FAM222A: variants seen among roughly 807,000 people sequenced by gnomAD.
The protein encoded by FAM222A is protein FAM222A.
In FAM222A, 7 loss-of-function variants were observed where a neutral mutation model predicts 25.8. That is an observed-to-expected ratio of 0.27 (90% CI 0.15 to 0.51). FAM222A has a LOEUF of 0.51. FAM222A is among the 20% of genes least tolerant of loss of function. The pLI is 0.97. For synonymous variants in FAM222A, 294 were observed against 298.8 expected (o/e 0.98, Z 0.17); for missense variants, 573 against 640.5 (o/e 0.89, Z 1.14).
rs1887595035 is a variant in FAM222A, at chr12:109,714,308, T to C, written c.-636T>C. 1 of 157,302 alleles carries C rather than the reference T, an allele frequency of 6.4e-6. No homozygotes were observed. Among genetic ancestry groups the C allele is most frequent in the Non-Finnish European group, 1.4e-5 (1 of 70,856 alleles). 9.7% of individuals were successfully genotyped at this position (157,302 alleles called of 1,614,324 possible). A position where few individuals can be genotyped will look rare whatever the true frequency, so the allele number is the denominator to read the frequency against. Reference sequence around the variant, plus strand: ...GGGGCCGGTGCATTCTCGCCGCTGTTCTTTGCAACCTGCAGGGGCCGGTGT... The same window carrying C: ...GGGGCCGGTGCATTCTCGCCGCTGTCCTTTGCAACCTGCAGGGGCCGGTGT... On this transcript the variant is annotated 5_prime_UTR_variant, in exon 1 of 3. Coordinates refer to ENST00000538780, the MANE Select transcript of FAM222A (RefSeq NM_032829.3). This position sits in a 1 kb window ranked among gnomAD's most constrained non-coding sequence, Gnocchi z 4.2.
intron 1 of FAM222A, among the ~76,000 whole-genome samples, chr12:109,724,395 G>A (rs1751226610): frequency 6.6e-6 from 1 of 152,268 alleles, no homozygotes; most frequent in African/African-American, 2.4e-5. Context: ...TCCTACCCAA[G>A]AAATGCAACT....
intron 1 of FAM222A, among the ~76,000 whole-genome samples, chr12:109,715,417 C>T (rs1188048940): frequency 6.6e-6 from 1 of 152,200 alleles, no homozygotes; most frequent in Non-Finnish European, 1.5e-5. Flanking sequence ...CTCGCAGGGA[C>T]GGTAGGTTCC....
intron 2 of FAM222A, among the ~76,000 whole-genome samples, chr12:109,753,968 C>A (rs1316663393): frequency 2.0e-5 from 3 of 152,180 alleles, no homozygotes; most frequent in African/African-American, 4.8e-5. Context: ...AGGTACCAAG[C>A]CTGCAAGAGG....
intron 2 of FAM222A, among the ~76,000 whole-genome samples, chr12:109,746,114 A>T (rs139572164): frequency 2.0e-4 from 31 of 152,310 alleles, no homozygotes; most frequent in Non-Finnish European, 3.4e-4. Flanking sequence ...ATTTTGTATC[A>T]TACTTGGAAA....
chr12:109,725,795 G>A (rs1165752587), intron 1 of FAM222A, among the ~76,000 whole-genome samples: 2 of 151,912 alleles, frequency 1.3e-5, no homozygotes, highest in Non-Finnish European at 2.9e-5. Context: ...AAGCCGGCCC[G>A]GAATCCTGTC....
rs1186054289 is a variant in FAM222A, at chr12:109,768,602, A to G, written c.673A>G (p.Ile225Val). The G allele has an allele frequency of 5.0e-6, 8 of 1,603,978 alleles. No homozygotes were observed. The highest frequency in any genetic ancestry group is 3.3e-5 in the Admixed American group (2 of 59,908). Residue 225 changes from isoleucine to valine, a missense_variant, in exon 3 of 3, where the codon ATT becomes GTT. Around this residue, in one of 3 missense-constraint regions of FAM222A, gnomAD observed 412 missense variants for 407.0 expected, o/e 1.01. Coordinates refer to ENST00000538780, the MANE Select transcript of FAM222A (RefSeq NM_032829.3). The part of the protein sequence containing the change: ...AAPPACQGMA[I>V]PHPSPAKHGP... ...ACCCCCTGCCTGCCAGGGCATGGCTATTCCCCATCCCAGCCCTGCCAAGCA... is the reference window on the plus strand; with the variant it reads ...ACCCCCTGCCTGCCAGGGCATGGCTGTTCCCCATCCCAGCCCTGCCAAGCA...
At chr12:109,753,191 G>A (rs546769104) in intron 2 of FAM222A, among the ~76,000 whole-genome samples, 52 of 152,252 alleles carry the variant, frequency 3.4e-4, no homozygotes, top group Non-Finnish European at 8.8e-5. Flanking sequence ...ACTGGGCCTC[G>A]TCCCTGTCCA....
intron 1 of FAM222A, among the ~76,000 whole-genome samples, chr12:109,719,174 A>G: frequency 6.6e-6 from 1 of 152,216 alleles, no homozygotes. Context: ...TCATGCCTGG[A>G]TACAGGTCAC....
chr12:109,718,690 C>A (rs984414072), intron 1 of FAM222A, among the ~76,000 whole-genome samples: 2 of 152,206 alleles, frequency 1.3e-5, no homozygotes, highest in Non-Finnish European at 2.9e-5. Context: ...CGGTGCCGGC[C>A]GGTCACCTCC....
rs75430404 is a variant in FAM222A at position 109,747,797 on chromosome 12, C to T, written c.82+3569C>T. On this transcript the variant is annotated intron_variant, in intron 2 of 2. Transcript: ENST00000538780. ...CACCTTACTGAATTATTTTATTGTT[C>T]TTAATGGTTTTTCAATTTAGGCGCT... 4.1e-3 allele frequency among the ~76,000 whole-genome samples: 619 copies of T among 152,156 alleles called. 5 individuals carry two copies. The highest frequency in any genetic ancestry group is 0.017 in the Middle Eastern group (5 of 294).
At chr12:109,753,639 GAGA>G (rs1375348563) in intron 2 of FAM222A, among the ~76,000 whole-genome samples, 1 of 152,086 alleles carries the variant, frequency 6.6e-6, no homozygotes, top group Non-Finnish European at 1.5e-5. Flanking sequence ...CGTGATAGAT[GAGA>G]AGCTTTGAAG....
chr12:109,768,691 G>T lies in FAM222A; in HGVS notation c.762G>T (p.Arg254=). ...CTGCAGCCGGTCTGCCCGACTGCCG[G>T]AAAGGCACTGAGCTGGGCCAGGGAG... is the stretch of plus-strand genomic sequence containing the variant. ...YSAAAGLPDC[R]KGTELGQGAT... is the part of the protein sequence containing the mutation. The change falls in exon 3 of 3, where the codon CGG becomes CGT. Residue 254 remains arginine, a synonymous_variant. Coordinates refer to ENST00000538780, the MANE Select transcript of FAM222A (RefSeq NM_032829.3). 1 of 1,587,196 alleles carries T rather than the reference G, an allele frequency of 6.3e-7. No individual in the cohort carries two copies. The highest frequency in any genetic ancestry group is 8.5e-7 in the Non-Finnish European group (1 of 1,172,646).
intron 2 of FAM222A, among the ~76,000 whole-genome samples, chr12:109,764,946 G>T (rs186459304): frequency 6.6e-6 from 1 of 152,190 alleles, no homozygotes; most frequent in African/African-American, 2.4e-5. Context: ...AGGCTGCCCC[G>T]GGCAGAGTCG....
chr12:109,759,823 T>C (rs1196526226), intron 2 of FAM222A, among the ~76,000 whole-genome samples: 1 of 152,196 alleles, frequency 6.6e-6, no homozygotes, highest in Non-Finnish European at 1.5e-5. Context: ...CCGCCATCCA[T>C]GGGACGCTTT....
At chr12:109,716,635 C>T (rs1285343671) in intron 1 of FAM222A, among the ~76,000 whole-genome samples, 4 of 152,178 alleles carry the variant, frequency 2.6e-5, no homozygotes, top group South Asian at 2.1e-4. Flanking sequence ...CGCTGCCTCT[C>T]GAAGCTTCCC....
chr12:109,724,974 G>A (rs113636226), intron 1 of FAM222A, among the ~76,000 whole-genome samples: 1,641 of 152,204 alleles, frequency 0.011, 13 homozygotes, highest in Non-Finnish European at 0.018. Context: ...GGAAACCACC[G>A]TGCAATCTAT....
chr12:109,750,540 C>T (rs547852825), intron 2 of FAM222A, among the ~76,000 whole-genome samples: 4 of 152,112 alleles, frequency 2.6e-5, no homozygotes, highest in South Asian at 2.1e-4. Context: ...TTGTTATTAG[C>T]GATGCTATTA....
At chr12:109,738,377 C>T (rs1418049537) in intron 1 of FAM222A, among the ~76,000 whole-genome samples, 1 of 152,222 alleles carries the variant, frequency 6.6e-6, no homozygotes, top group Non-Finnish European at 1.5e-5. Context: ...AGCATTCATT[C>T]TCTTCCCCGG....
At chr12:109,758,499 C>T (rs1888797515) in intron 2 of FAM222A, among the ~76,000 whole-genome samples, 1 of 152,140 alleles carries the variant, frequency 6.6e-6, no homozygotes, top group Admixed American at 6.5e-5. Flanking sequence ...CCTCAGGGGC[C>T]CTCAGGCTAC....
Sources: allele counts gnomAD v4.1 joint callset (sites outside exome capture counted in the v4.1 genomes callset), GRCh38; gene constraint gnomAD v4.1.1; regional missense constraint gnomAD v4.1.1; non-coding constraint Gnocchi (gnomAD v3.1); transcripts MANE v1.5; gene names NCBI Gene and HGNC (gene_info 2026-07-23, HGNC 2026-07-21).